Variants in UNC5D observed in about 807,000 individuals in gnomAD.
UNC5D encodes netrin receptor UNC5D.
UNC5D carries 39 observed loss-of-function variants against 105.4 expected under a neutral mutation model. That is an observed-to-expected ratio of 0.37 (90% CI 0.29 to 0.48). The LOEUF (loss-of-function observed/expected upper bound fraction) is 0.48. Ranked by LOEUF, UNC5D falls within the 20% of genes least tolerant of loss-of-function variation. The pLI is 0.98. For synonymous variants in UNC5D, 452 were observed against 450.4 expected (o/e 1.00, Z -0.04); for missense variants, 991 against 1,202.4 (o/e 0.82, Z 2.60).
chr8:35,532,861 C>T (rs1417047067), intron 1 of UNC5D, among the ~76,000 whole-genome samples: 1 of 121,410 alleles, frequency 8.2e-6, no homozygotes, highest in African/African-American at 3.4e-5. Flanking sequence ...CTTCTGCATT[C>T]TTCACATAGT....
Position 35,539,327 on chromosome 8 carries a change from A to G in UNC5D, c.104-9965A>G, listed in dbSNP as rs533090041. Among the ~76,000 whole-genome samples, 20 of 152,310 alleles carry G rather than the reference A, an allele frequency of 1.3e-4. No individual in the cohort carries two copies. In the East Asian group the frequency reaches 3.5e-3, roughly 26 times the overall value. ...TAAACCATAATTTTCCATATAAAAT[A>G]TATCATAAAATGTTAACTATATTTT... is the stretch of plus-strand genomic sequence containing the variant. On this transcript the variant is annotated intron_variant, in intron 1 of 16. Transcript: ENST00000404895.
chr8:35,296,016 G>A (rs927355786), intron 1 of UNC5D, among the ~76,000 whole-genome samples: 1 of 152,134 alleles, frequency 6.6e-6, no homozygotes, highest in Non-Finnish European at 1.5e-5. Context: ...TTGCTTTTTT[G>A]TGGGTGAATA....
At chr8:35,335,497 A>T (rs1368832408) in intron 1 of UNC5D, among the ~76,000 whole-genome samples, 1 of 152,194 alleles carries the variant, frequency 6.6e-6, no homozygotes, top group African/African-American at 2.4e-5. Context: ...TAGGTTTTAA[A>T]ATCTTAACTA....
chr8:35,318,794 T>A (rs148890349), intron 1 of UNC5D, among the ~76,000 whole-genome samples: 23 of 152,198 alleles, frequency 1.5e-4, no homozygotes, highest in Non-Finnish European at 3.1e-4. Flanking sequence ...ATATGCTCAG[T>A]AAGAATACAG....
At chr8:35,270,502 C>A (rs1490286374) in intron 1 of UNC5D, among the ~76,000 whole-genome samples, 2 of 152,174 alleles carry the variant, frequency 1.3e-5, no homozygotes, top group East Asian at 3.9e-4. Flanking sequence ...AGTTACCCAG[C>A]TTCTGCCTTT....
In UNC5D at chr8:35,275,456, A is replaced by G. The variant is rs192119013; in HGVS notation, c.103+39569A>G. The stretch of plus-strand genomic sequence containing the variant: ...ATGTGGCAAAATGTGTCTTTCATAC[A>G]GAAGAACATGACCTGGTTTTCTTTT... On this transcript the variant is annotated intron_variant, in intron 1 of 16. Transcript: ENST00000404895. Among the ~76,000 whole-genome samples, 5 of 152,336 alleles carry G rather than the reference A, an allele frequency of 3.3e-5. No individual in the cohort carries two copies. The East Asian group carries it at 9.7e-4, about 29-fold the overall frequency.
chr8:35,419,396 G>A (rs1463933973), intron 1 of UNC5D, among the ~76,000 whole-genome samples: 1 of 152,204 alleles, frequency 6.6e-6, no homozygotes, highest in African/African-American at 2.4e-5. Flanking sequence ...CGTGCCTGCT[G>A]CAGTTCTGTG....
intron 1 of UNC5D, among the ~76,000 whole-genome samples, chr8:35,529,184 C>G (rs1425753103): frequency 1.5e-5 from 2 of 132,006 alleles, no homozygotes; most frequent in Admixed American, 7.8e-5. Context: ...GGTTTTAGGT[C>G]TAACGTTTAA....
At chr8:35,626,418 T>A (rs1821702158) in intron 4 of UNC5D, among the ~76,000 whole-genome samples, 2 of 152,210 alleles carry the variant, frequency 1.3e-5, no homozygotes, top group Admixed American at 1.3e-4. Context: ...CCTTTGGAAT[T>A]TAACTCTCTG....
At chr8:35,258,519 C>G (rs77146725) in intron 1 of UNC5D, among the ~76,000 whole-genome samples, 2,225 of 152,222 alleles carry the variant, frequency 0.015, 55 homozygotes, top group African/African-American at 0.052. Context: ...TCTGTGTTTC[C>G]GTCTCCTCAT....
chr8:35,548,015 T>C (rs577973323), intron 1 of UNC5D, among the ~76,000 whole-genome samples: 1 of 152,324 alleles, frequency 6.6e-6, no homozygotes, highest in East Asian at 1.9e-4. Flanking sequence ...GCCAGAAGTC[T>C]CAACCAGTCT....
intron 4 of UNC5D, among the ~76,000 whole-genome samples, chr8:35,605,667 C>G (rs1460657494): frequency 6.6e-6 from 1 of 152,212 alleles, no homozygotes; most frequent in East Asian, 1.9e-4. Context: ...GCAGGCAGGC[C>G]TCCTTGAGCT....
Position 35,613,032 on chromosome 8 carries a change from C to T in UNC5D, c.570+17375C>T, listed in dbSNP as rs10088733. ...ATGGTGGCAGAGGTACCCCACTCTT[C>T]AGGGCAGGTAGAAGAACCAGCACCT... On this transcript the variant is annotated intron_variant, in intron 4 of 16. Transcript: ENST00000404895. Among the ~76,000 whole-genome samples, 944 of 152,130 alleles carry T rather than the reference C, an allele frequency of 6.2e-3. 9 individuals carry two copies. Among genetic ancestry groups the T allele is most frequent in the African/African-American group, 0.02 (844 of 41,490 alleles).
chr8:35,722,179 G>A (rs1254860882), intron 8 of UNC5D, 31 bp from the exon 9 acceptor site: 2 of 1,604,420 alleles, frequency 1.2e-6, no homozygotes, highest in East Asian at 4.5e-5. Flanking sequence ...TGCCCATGCT[G>A]GTCACTTACA....
chr8:35,749,060 G>A (rs1437382421), intron 12 of UNC5D, among the ~76,000 whole-genome samples: 1 of 152,144 alleles, frequency 6.6e-6, no homozygotes, highest in Non-Finnish European at 1.5e-5. Context: ...GTTCAGGGCA[G>A]GCAGTCTGTG....
chr8:35,642,716 AG>A (rs1251567752), intron 4 of UNC5D, among the ~76,000 whole-genome samples: 15 of 152,236 alleles, frequency 9.9e-5, no homozygotes, highest in South Asian at 8.3e-4. Flanking sequence ...AAATTTAATT[AG>A]CACATACTGC....
At chr8:35,401,243 G>T (rs1159644565) in intron 1 of UNC5D, among the ~76,000 whole-genome samples, 1 of 152,164 alleles carries the variant, frequency 6.6e-6, no homozygotes, top group Non-Finnish European at 1.5e-5. Context: ...CACCACTTTG[G>T]GAGACTGAGG....
chr8:35,656,485 A>ATGTTAGCTGGGTATT (rs1445620820), intron 4 of UNC5D, among the ~76,000 whole-genome samples: 56 of 152,334 alleles, frequency 3.7e-4, no homozygotes, highest in Admixed American at 2.0e-3. Context: ...ATCCAAGGGA[A>ATGTTAGCTGGGTATT]AAGCATTAAG....
chr8:35,515,585 T>C (rs1032201562), intron 1 of UNC5D, among the ~76,000 whole-genome samples: 27 of 152,102 alleles, frequency 1.8e-4, no homozygotes, highest in African/African-American at 6.5e-4. Context: ...CTTGGGAGGC[T>C]GAGGCAGGAG....
Sources: gnomAD v4.1 joint callset for allele counts (sites outside exome capture counted in the v4.1 genomes callset) on GRCh38, gnomAD v4.1.1 for gene constraint, MANE v1.5 for transcripts, NCBI Gene and HGNC (gene_info 2026-07-23, HGNC 2026-07-21) for gene names.